MIPOL1: variants seen among roughly 807,000 people sequenced by gnomAD.
The protein encoded by MIPOL1 is mirror-image polydactyly 1.
Under a neutral mutation model 60.9 loss-of-function variants are expected in MIPOL1, and 57 were observed. That is an observed-to-expected ratio of 0.94 (90% CI 0.76 to 1.17). The LOEUF (loss-of-function observed/expected upper bound fraction) is 1.17, where lower values mean the gene tolerates loss of function less well. Among genes scored for constraint, MIPOL1 ranks in the 50% most tolerant of loss-of-function variants. The probability of loss-of-function intolerance (pLI) is 0.00; values close to 1 mark genes in which losing one functional copy is unlikely to be tolerated. For synonymous variants in MIPOL1, 179 were observed against 168.8 expected, an observed-to-expected ratio of 1.06 and a Z score of -0.47; for missense variants, 551 against 511.6, an observed-to-expected ratio of 1.08 and a Z score of -0.74.
chr14:37,487,785 C>T (rs905708833), intron 11 of MIPOL1, among the ~76,000 whole-genome samples: 3 of 152,116 alleles, frequency 2.0e-5, no homozygotes, highest in Non-Finnish European at 2.9e-5. Context: ...AAAAAACCAG[C>T]TCCTGGATTC....
intron 1 of MIPOL1, among the ~76,000 whole-genome samples, chr14:37,228,192 C>T (rs556839746): frequency 9.2e-5 from 14 of 152,266 alleles, no homozygotes; most frequent in African/African-American, 3.1e-4. Flanking sequence ...ACACATTTTT[C>T]TCTCACCTAT....
intron 10 of MIPOL1, among the ~76,000 whole-genome samples, chr14:37,408,420 A>G (rs2093627860): frequency 6.6e-6 from 1 of 152,076 alleles, no homozygotes; most frequent in Non-Finnish European, 1.5e-5. Flanking sequence ...ACTTGAGCCC[A>G]GTAGTTCGAG....
intron 10 of MIPOL1, among the ~76,000 whole-genome samples, chr14:37,389,539 A>C (rs1190850300): frequency 6.6e-6 from 1 of 151,658 alleles, no homozygotes; most frequent in Non-Finnish European, 1.5e-5. Context: ...TTATATATTT[A>C]TTGTTCTATC....
At chr14:37,363,935 C>T (rs967695534) in intron 9 of MIPOL1, among the ~76,000 whole-genome samples, 3 of 152,200 alleles carry the variant, frequency 2.0e-5, no homozygotes, top group Admixed American at 1.3e-4. Flanking sequence ...TGTGACCCCC[C>T]GAGCCAGGCG....
chr14:37,329,650 C>T (rs2089500193), intron 9 of MIPOL1, among the ~76,000 whole-genome samples: 1 of 152,038 alleles, frequency 6.6e-6, no homozygotes, highest in South Asian at 2.1e-4. Flanking sequence ...ATAAAGTTTG[C>T]AAACCAAGAG....
chr14:37,324,506 C>T (rs772721792), intron 9 of MIPOL1, among the ~76,000 whole-genome samples: 4 of 151,950 alleles, frequency 2.6e-5, no homozygotes, highest in Admixed American at 1.3e-4. Flanking sequence ...AATATTTTCT[C>T]CCAGTTTTTG....
In MIPOL1 at chr14:37,251,738, T is replaced by A. The variant is rs545096870; in HGVS notation, c.19+3831T>A. Among the ~76,000 whole-genome samples, 49 of 152,088 alleles carry A rather than the reference T, an allele frequency of 3.2e-4. No homozygotes were observed. In the South Asian group the frequency reaches 1.0e-2, roughly 31 times the overall value. ...AATTATTTGGAATACTGTTATAAAT[T>A]CCTGATCATTTCTTAAATTAATGTT... is the stretch of plus-strand genomic sequence containing the variant. On this transcript the variant is annotated intron_variant, in intron 3 of 12. Transcript: ENST00000684589.
chr14:37,397,384 T>TGGGGGGGGGGGGGGG (rs2093393272), intron 10 of MIPOL1, among the ~76,000 whole-genome samples: 1 of 142,482 alleles, frequency 7.0e-6, no homozygotes, highest in African/African-American at 2.7e-5. Flanking sequence ...GTGGTGGGAG[T>TGGGGGGGGGGGGGGG]GGGGAGGGGG....
chr14:37,489,476 G>A (rs1304111223), intron 11 of MIPOL1, among the ~76,000 whole-genome samples: 2 of 152,068 alleles, frequency 1.3e-5, no homozygotes, highest in Non-Finnish European at 2.9e-5. Context: ...CCTCCATCTA[G>A]TTTTATTCCC....
chr14:37,488,396 A>G (rs778865074), intron 11 of MIPOL1, among the ~76,000 whole-genome samples: 3 of 152,084 alleles, frequency 2.0e-5, no homozygotes, highest in Admixed American at 6.5e-5. Context: ...TCTGTCGTTG[A>G]TCTGTCTAAT....
intron 1 of MIPOL1, among the ~76,000 whole-genome samples, chr14:37,234,781 CT>C (rs1205535226): frequency 1.3e-3 from 188 of 143,286 alleles, no homozygotes; most frequent in Admixed American, 1.3e-3. Context: ...TAGCTGAATT[CT>C]TTTTTTTTTT....
intron 10 of MIPOL1, among the ~76,000 whole-genome samples, chr14:37,391,577 G>A (rs2093243027): frequency 6.6e-6 from 1 of 151,708 alleles, no homozygotes; most frequent in Non-Finnish European, 1.5e-5. Context: ...TTTATTTTTA[G>A]TAGAAACGGG....
At chr14:37,223,486 A>T (rs1414681095) in intron 1 of MIPOL1, among the ~76,000 whole-genome samples, 1 of 151,870 alleles carries the variant, frequency 6.6e-6, no homozygotes, top group Non-Finnish European at 1.5e-5. Flanking sequence ...ATTTTTCAGG[A>T]TCCTCCTGGG....
chr14:37,249,285 A>G (rs976499759), intron 3 of MIPOL1, among the ~76,000 whole-genome samples: 1 of 152,108 alleles, frequency 6.6e-6, no homozygotes, highest in African/African-American at 2.4e-5. Flanking sequence ...TTCCCCCAAC[A>G]GGGCTCCTGT....
At chr14:37,373,753 T>TA (rs2092703207) in intron 10 of MIPOL1, among the ~76,000 whole-genome samples, 1 of 152,224 alleles carries the variant, frequency 6.6e-6, no homozygotes, top group Admixed American at 6.5e-5. Flanking sequence ...CCATGGTGTA[T>TA]ATGTGCCACA....
chr14:37,271,214 C>T (rs2083280132), intron 6 of MIPOL1, among the ~76,000 whole-genome samples: 1 of 151,990 alleles, frequency 6.6e-6, no homozygotes, highest in African/African-American at 2.4e-5. Context: ...GTGTATGCCA[C>T]TGTGAATGTA....
downstream of MIPOL1, chr14:37,551,496 A>G (rs1224752995): frequency 1.3e-5 from 2 of 152,162 alleles, no homozygotes; most frequent in African/African-American, 4.8e-5. Flanking sequence ...AAATAAAATT[A>G]TAGTAATAAA....
intron 11 of MIPOL1, among the ~76,000 whole-genome samples, chr14:37,427,348 G>A (rs527547144): frequency 6.6e-6 from 1 of 152,166 alleles, no homozygotes; most frequent in East Asian, 1.9e-4. Flanking sequence ...ACTTATATGA[G>A]GTACTTAAAA....
At chr14:37,223,483 A>C (rs769985228) in intron 1 of MIPOL1, among the ~76,000 whole-genome samples, 62 of 152,144 alleles carry the variant, frequency 4.1e-4, no homozygotes, top group South Asian at 8.3e-4. Context: ...AATATTTTTC[A>C]GGATCCTCCT....
Sources: gnomAD v4.1 joint callset for allele counts (sites outside exome capture counted in the v4.1 genomes callset) on GRCh38, gnomAD v4.1.1 for gene constraint, MANE v1.5 for transcripts, NCBI Gene and HGNC (gene_info 2026-07-23, HGNC 2026-07-21) for gene names.